Variants in ANKFN1 observed in about 807,000 individuals in gnomAD.
ANKFN1 encodes the protein ankyrin repeat and fibronectin type III domain containing 1, also known as ankyrin repeat and fibronectin type-III domain-containing protein 1.
A neutral mutation model predicts 108.7 loss-of-function variants in ANKFN1; 74 were observed. The ratio of observed to expected loss-of-function variants is 0.68; its 90% CI spans 0.56 to 0.83. ANKFN1 has a LOEUF of 0.83. ANKFN1 is among the 40% of genes least tolerant of loss of function. The probability of loss-of-function intolerance (pLI) is 0.00; values close to 1 mark genes in which losing one functional copy is unlikely to be tolerated. For synonymous variants in ANKFN1, 547 were observed against 516.2 expected (o/e 1.06, Z -0.81); for missense variants, 1,505 against 1,382.3 (o/e 1.09, Z -1.41).
chr17:56,376,076 A>G (rs190987608), intron 8 of ANKFN1, among the ~76,000 whole-genome samples: 602 of 152,350 alleles, frequency 4.0e-3, no homozygotes, highest in Non-Finnish European at 6.8e-3. Context: ...ACATATTCCA[A>G]GGTTCCAGGC....
intron 2 of ANKFN1, among the ~76,000 whole-genome samples, chr17:56,220,881 A>AGGGG (rs1174277357): frequency 1.9e-5 from 1 of 52,378 alleles, no homozygotes; most frequent in Admixed American, 3.2e-4. Context: ...GGAGGGAGGG[A>AGGGG]GGGAGGGAGG....
At position 56,341,667 on chromosome 17, in the gene ANKFN1, T is replaced by C. The variant is rs371312804; in HGVS notation, c.189-9099T>C. Reference sequence around the variant, plus strand: ...CCTAAGGATGAAGCCTATTTCATCATGGTGGATATACTTTTTGATGTGCTG... The same window carrying C: ...CCTAAGGATGAAGCCTATTTCATCACGGTGGATATACTTTTTGATGTGCTG... On this transcript the variant is annotated intron_variant, in intron 4 of 20. Transcript: ENST00000682825. 3.9e-5 allele frequency among the ~76,000 whole-genome samples: 6 copies of C among 152,188 alleles called. No homozygotes were observed. The East Asian group carries it at 1.2e-3, about 29-fold the overall frequency.
At chr17:56,140,982 A>G (rs1253205754) in intron 4 of ANKFN1, among the ~76,000 whole-genome samples, 1 of 152,204 alleles carries the variant, frequency 6.6e-6, no homozygotes, top group African/African-American at 2.4e-5. Context: ...AGTCCCTACT[A>G]TCAGCCTTAC....
chr17:56,470,199 T>G (rs1258825875), intron 15 of ANKFN1, among the ~76,000 whole-genome samples: 1 of 152,186 alleles, frequency 6.6e-6, no homozygotes, highest in African/African-American at 2.4e-5. Context: ...TGATGGGCAT[T>G]TGAGTTGATT....
intron 1 of ANKFN1, among the ~76,000 whole-genome samples, chr17:56,211,093 GC>G (rs1216207671): frequency 6.6e-6 from 1 of 152,156 alleles, no homozygotes; most frequent in African/African-American, 2.4e-5. Context: ...CTGTGCAGAA[GC>G]TTTTTAGCTT....
chr17:56,457,453 G>C (rs772131024), intron 13 of ANKFN1, 64 bp downstream of exon 13: 199 of 1,484,666 alleles, frequency 1.3e-4, no homozygotes, highest in Admixed American at 3.4e-4. Flanking sequence ...AAAAATCTCT[G>C]AAACATTAGT....
chr17:56,503,426 T>C (rs994950063), intron 20 of ANKFN1, among the ~76,000 whole-genome samples: 14 of 146,580 alleles, frequency 9.6e-5, no homozygotes, highest in African/African-American at 3.6e-4. Context: ...AGTCTTCATT[T>C]ATAAATTATT....
At chr17:56,376,030 C>T (rs1379004168) in intron 8 of ANKFN1, among the ~76,000 whole-genome samples, 1 of 152,202 alleles carries the variant, frequency 6.6e-6, no homozygotes, top group Non-Finnish European at 1.5e-5. Flanking sequence ...TATGGAATTA[C>T]ACTGAACAGC....
chr17:56,060,641 G>A (rs995747240), intron 4 of ANKFN1, among the ~76,000 whole-genome samples: 2 of 152,176 alleles, frequency 1.3e-5, no homozygotes, highest in African/African-American at 4.8e-5. Context: ...CTAACATGAA[G>A]GGATGTTGAA....
At chr17:56,046,428 T>C (rs1904678935) in intron 4 of ANKFN1, 1 of 152,280 alleles carries the variant, frequency 6.6e-6, no homozygotes, top group Non-Finnish European at 1.5e-5. Context: ...CTGGCAGTAA[T>C]TAACAAGTGC....
intron 14 of ANKFN1, among the ~76,000 whole-genome samples, chr17:56,460,444 C>A (rs2049863228): frequency 6.6e-6 from 1 of 150,486 alleles, no homozygotes; most frequent in Admixed American, 6.6e-5. Context: ...AAGAGTAAGA[C>A]CTTGTCTAAA....
At position 56,336,618 on chromosome 17, in the gene ANKFN1, T is replaced by C. The variant is rs187951566; in HGVS notation, c.188+10263T>C. Reference sequence around the variant, plus strand: ...TTTGATTCTTCTCTCTTTTCCTCTTTATTAGTCTTGCTAGAGGTCTATCAA... The same window carrying C: ...TTTGATTCTTCTCTCTTTTCCTCTTCATTAGTCTTGCTAGAGGTCTATCAA... On this transcript the variant is annotated intron_variant, in intron 4 of 20. Transcript: ENST00000682825. Among the ~76,000 whole-genome samples the C allele has an allele frequency of 1.1e-3, 173 of 152,318 alleles. 4 individuals are homozygous for C. The East Asian group carries it at 0.032, about 28-fold the overall frequency.
At chr17:56,222,516 T>C (rs1474147587) in intron 2 of ANKFN1, among the ~76,000 whole-genome samples, 1 of 152,098 alleles carries the variant, frequency 6.6e-6, no homozygotes, top group African/African-American at 2.4e-5. Context: ...TGAGATAGTC[T>C]TAAAGAAAGA....
intron 4 of ANKFN1, among the ~76,000 whole-genome samples, chr17:56,125,723 A>G (rs956120752): frequency 7.9e-5 from 12 of 152,338 alleles, no homozygotes; most frequent in African/African-American, 2.9e-4. Flanking sequence ...TATGATTTGA[A>G]TCCATCACTG....
chr17:56,459,799 G>C (rs1399263790), intron 14 of ANKFN1, among the ~76,000 whole-genome samples: 1 of 152,098 alleles, frequency 6.6e-6, no homozygotes, highest in Non-Finnish European at 1.5e-5. Flanking sequence ...TGCAATGATG[G>C]CCAGTGTGAC....
chr17:56,354,124 C>T, intron 6 of ANKFN1, 78 bp downstream of exon 6: 1 of 1,391,664 alleles, frequency 7.2e-7, no homozygotes, highest in Non-Finnish European at 9.9e-7. Flanking sequence ...CCATTGCTGA[C>T]TTTCAGAGCA....
At chr17:56,056,252 A>G (rs1217174963) in intron 4 of ANKFN1, among the ~76,000 whole-genome samples, 2 of 152,116 alleles carry the variant, frequency 1.3e-5, no homozygotes, top group South Asian at 2.1e-4. Flanking sequence ...ACTGCTAAAA[A>G]TACTCTACAG....
At chr17:56,358,588 T>C (rs2046433333) in intron 6 of ANKFN1, among the ~76,000 whole-genome samples, 1 of 152,182 alleles carries the variant, frequency 6.6e-6, no homozygotes, top group African/African-American at 2.4e-5. Context: ...TCCTACCTTT[T>C]TGCAAACAGC....
chr17:56,236,385 T>G (rs1242963950), intron 3 of ANKFN1, among the ~76,000 whole-genome samples: 2 of 152,108 alleles, frequency 1.3e-5, no homozygotes, highest in African/African-American at 4.8e-5. Context: ...GCTTTGTAGT[T>G]CTCATTGTAG....
Sources: gnomAD v4.1 joint callset for allele counts (sites outside exome capture counted in the v4.1 genomes callset) on GRCh38, gnomAD v4.1.1 for gene constraint, MANE v1.5 for transcripts, NCBI Gene and HGNC (gene_info 2026-07-23, HGNC 2026-07-21) for gene names.